Variants in PPM1E observed in about 807,000 individuals in gnomAD.
PPM1E encodes the protein protein phosphatase, Mg2+/Mn2+ dependent 1E.
A neutral mutation model predicts 65.9 loss-of-function variants in PPM1E; 20 were observed. The observed-to-expected ratio is 0.30, with a 90% CI of 0.21 to 0.44. The LOEUF is 0.44. Among genes scored for constraint, PPM1E ranks in the 20% least tolerant of loss-of-function variants. PPM1E has a pLI of 1.00. For synonymous variants in PPM1E, 352 were observed against 374.9 expected, an observed-to-expected ratio of 0.94 and a Z score of 0.70; for missense variants, 713 against 953.1, an observed-to-expected ratio of 0.75 and a Z score of 3.32.
intron 1 of PPM1E, among the ~76,000 whole-genome samples, chr17:58,782,768 CA>C (rs1360196599): frequency 6.6e-6 from 1 of 151,748 alleles, no homozygotes; most frequent in Non-Finnish European, 1.5e-5. Flanking sequence ...AAGTGACAAA[CA>C]TAAGTGTGGC....
intron 1 of PPM1E, among the ~76,000 whole-genome samples, chr17:58,883,373 C>T (rs1045658426): frequency 5.9e-5 from 9 of 151,474 alleles, no homozygotes; most frequent in Non-Finnish European, 1.5e-5. Context: ...TTTTCTTCTG[C>T]TGGCATAGTT....
chr17:58,880,350 A>C (rs2143386380), intron 1 of PPM1E, among the ~76,000 whole-genome samples: 1 of 152,262 alleles, frequency 6.6e-6, no homozygotes, highest in African/African-American at 2.4e-5. Context: ...TATATTTTTA[A>C]CTCCTTCAGC....
chr17:58,825,019 G>T (rs1012273149), intron 1 of PPM1E, among the ~76,000 whole-genome samples: 2 of 151,910 alleles, frequency 1.3e-5, no homozygotes, highest in Admixed American at 6.6e-5. Context: ...TGGAAACTTG[G>T]GGGGAAGAGT....
intron 1 of PPM1E, among the ~76,000 whole-genome samples, chr17:58,764,191 A>G (rs1343799905): frequency 6.6e-6 from 1 of 151,994 alleles, no homozygotes; most frequent in African/African-American, 2.4e-5. Flanking sequence ...CCCAATTTGG[A>G]GTATCACATT....
intron 1 of PPM1E, among the ~76,000 whole-genome samples, chr17:58,835,090 CA>C (rs2050641582): frequency 6.6e-6 from 1 of 152,118 alleles, no homozygotes; most frequent in African/African-American, 2.4e-5. Flanking sequence ...CCTATAATCC[CA>C]GCACTTTGAG....
At chr17:58,815,313 A>G (rs181737336) in intron 1 of PPM1E, among the ~76,000 whole-genome samples, 1 of 152,274 alleles carries the variant, frequency 6.6e-6, no homozygotes, top group African/African-American at 2.4e-5. Context: ...TAATGGCACT[A>G]TTTGGTGTCT....
In PPM1E at chr17:58,934,071, G is replaced by A. The variant is rs546550083; in HGVS notation, c.465-21578G>A. Among the ~76,000 whole-genome samples, 4 of 123,224 alleles carry A rather than the reference G, an allele frequency of 3.2e-5. No individual in the cohort carries two copies. The South Asian group carries it at 7.9e-4, about 24-fold the overall frequency. 80.8% of individuals were successfully genotyped at this position (123,224 alleles called of 152,430 possible). A position where few individuals can be genotyped will look rare whatever the true frequency, so the allele number is the denominator to read the frequency against. On this transcript the variant is annotated intron_variant, in intron 1 of 6. Coordinates refer to ENST00000308249, the MANE Select transcript of PPM1E (RefSeq NM_014906.5). Reference sequence around the variant, plus strand: ...CCACTGCACTCCAGCCTGGGCAACAGAGCAAGACTTCGTATCAAAAAAAAA... The same window carrying A: ...CCACTGCACTCCAGCCTGGGCAACAAAGCAAGACTTCGTATCAAAAAAAAA...
intron 1 of PPM1E, among the ~76,000 whole-genome samples, chr17:58,795,643 G>T (rs1454966323): frequency 6.6e-6 from 1 of 152,348 alleles, no homozygotes; most frequent in East Asian, 1.9e-4. Context: ...GGTAGAGGTT[G>T]CAGTGAACTA....
In PPM1E at chr17:58,894,310, T is replaced by A. The variant is rs182770557; in HGVS notation, c.465-61339T>A. 4.3e-3 allele frequency among the ~76,000 whole-genome samples: 648 copies of A among 152,242 alleles called. 2 individuals are homozygous for A. Among genetic ancestry groups the A allele is most frequent in the African/African-American group, 0.014 (579 of 41,546 alleles). On this transcript the variant is annotated intron_variant, in intron 1 of 6. Coordinates refer to ENST00000308249, the MANE Select transcript of PPM1E (RefSeq NM_014906.5). ...GCTAATTTTAATGAAGTCTATTTTTTAAAAAATTGATTCAAGAGGCAAATT... is the reference window on the plus strand; with the variant it reads ...GCTAATTTTAATGAAGTCTATTTTTAAAAAAATTGATTCAAGAGGCAAATT...
In PPM1E at chr17:58,883,909, G is replaced by C. The variant is rs879634131; in HGVS notation, c.465-71740G>C. The stretch of plus-strand genomic sequence containing the variant: ...ACCTGGTTGGAAGACATTTGTTAGG[G>C]AACCTTCTGACTTCAACCCAAATTT... On this transcript the variant is annotated intron_variant, in intron 1 of 6. Transcript: ENST00000308249. 6.6e-5 allele frequency among the ~76,000 whole-genome samples: 10 copies of C among 151,868 alleles called. 1 individual carries two copies. Among genetic ancestry groups the C allele is most frequent in the South Asian group, 6.2e-4 (3 of 4,824 alleles).
At chr17:58,827,630 C>T (rs74961279) in intron 1 of PPM1E, among the ~76,000 whole-genome samples, 22,215 of 151,228 alleles carry the variant, frequency 0.15, 2,535 homozygotes, top group East Asian at 0.31. Context: ...GGGCTGGGCG[C>T]GGTGGCTTAT....
At chr17:58,816,779 TATATATATATA>T (rs1567842233) in intron 1 of PPM1E, among the ~76,000 whole-genome samples, 3 of 13,444 alleles carry the variant, frequency 2.2e-4, no homozygotes, top group East Asian at 1.7e-3. Context: ...TATATATATA[TATATATATATA>T]TATATTTTTT....
intron 6 of PPM1E, among the ~76,000 whole-genome samples, chr17:58,979,042 G>T (rs1054851962): frequency 6.6e-6 from 1 of 152,124 alleles, no homozygotes; most frequent in African/African-American, 2.4e-5. Flanking sequence ...TCTCTGCCTG[G>T]TGATAACTAA....
chr17:58,854,666 T>G (rs2050863236), intron 1 of PPM1E, among the ~76,000 whole-genome samples: 1 of 152,102 alleles, frequency 6.6e-6, no homozygotes, highest in Non-Finnish European at 1.5e-5. Context: ...ATCATGTGGG[T>G]TTTTTCCTTC....
At chr17:58,891,832 CTTTTTTTT>C (rs5821250) in intron 1 of PPM1E, among the ~76,000 whole-genome samples, 5 of 85,496 alleles carry the variant, frequency 5.8e-5, no homozygotes, top group African/African-American at 2.4e-4. Flanking sequence ...TTTTCTTTTT[CTTTTTTTT>C]TTTTTTTTTT....
intron 1 of PPM1E, among the ~76,000 whole-genome samples, chr17:58,816,780 ATATATATATATATATTTTTTT>A (rs1328749690): frequency 7.7e-4 from 7 of 9,106 alleles, no homozygotes; most frequent in African/African-American, 1.3e-3. Flanking sequence ...ATATATATAT[ATATATATATATATATTTTTTT>A]TTTTTTTTTT....
intron 1 of PPM1E, among the ~76,000 whole-genome samples, chr17:58,874,641 A>G (rs1351354835): frequency 2.0e-5 from 3 of 152,138 alleles, no homozygotes; most frequent in Admixed American, 6.6e-5. Context: ...ATATGTACTT[A>G]TGGGGTCTTT....
At chr17:58,919,481 T>G (rs1219262779) in intron 1 of PPM1E, among the ~76,000 whole-genome samples, 1 of 152,126 alleles carries the variant, frequency 6.6e-6, no homozygotes, top group Non-Finnish European at 1.5e-5. Flanking sequence ...CATTTTAGAT[T>G]TACAGCGAGT....
intron 4 of PPM1E, among the ~76,000 whole-genome samples, chr17:58,971,603 G>A (rs1184645798): frequency 6.6e-6 from 1 of 152,186 alleles, no homozygotes; most frequent in African/African-American, 2.4e-5. Context: ...AACGTAAGCT[G>A]TCTCTTGGCC....
Sources: gnomAD v4.1 joint callset for allele counts (sites outside exome capture counted in the v4.1 genomes callset) on GRCh38, gnomAD v4.1.1 for gene constraint, MANE v1.5 for transcripts, NCBI Gene and HGNC (gene_info 2026-07-23, HGNC 2026-07-21) for gene names.